The following CACNA1H variants were observed in gnomAD, a reference collection of about 807,000 sequenced individuals.
CACNA1H encodes voltage-dependent T-type calcium channel subunit alpha-1H.
A neutral mutation model predicts 192.5 loss-of-function variants in CACNA1H; 149 were observed. The observed-to-expected ratio is 0.77, with a 90% CI of 0.68 to 0.89. CACNA1H has a LOEUF of 0.89. Ranked by LOEUF, CACNA1H falls within the 40% of genes least tolerant of loss-of-function variation. The probability of loss-of-function intolerance (pLI) is 0.00; values close to 1 mark genes in which losing one functional copy is unlikely to be tolerated. For synonymous variants in CACNA1H, 2,202 were observed against 1,475.2 expected, an observed-to-expected ratio of 1.49 and a Z score of -11.29; for missense variants, 4,257 against 3,423.5, an observed-to-expected ratio of 1.24 and a Z score of -6.08.
rs551220448 is a variant in CACNA1H, at chr16:1,169,193, G to C, written c.299+15157G>C. Among the ~76,000 whole-genome samples, 1,036 of 151,636 alleles carry C rather than the reference G, an allele frequency of 6.8e-3. 5 individuals carry two copies. The highest frequency in any genetic ancestry group is 0.014 in the Middle Eastern group (4 of 290). On this transcript the variant is annotated intron_variant, in intron 2 of 34. Coordinates refer to ENST00000348261, the MANE Select transcript of CACNA1H (RefSeq NM_021098.3). ...GGGGGTGGGGGTGGGGGTGGGGCTT[G>C]CTGGGGGTCTTAGCCTGGAACGTGG...
chr16:1,174,945 C>T (rs1265095315), intron 2 of CACNA1H, among the ~76,000 whole-genome samples: 2 of 150,076 alleles, frequency 1.3e-5, no homozygotes, highest in Admixed American at 1.3e-4. Context: ...CGTCCACCCC[C>T]CCACCCCCCA....
At position 1,221,167 on chromosome 16, in the gene CACNA1H, C is replaced by A; in HGVS notation, c.*173C>A. On this transcript the variant is annotated 3_prime_UTR_variant, in exon 35 of 35. Transcript: ENST00000348261. Reference sequence around the variant, plus strand: ...TCTCTGCCCAGCGAAGCAGGAGTAGCTGCCGGGCCCCACGAGCCTCCGTCC... The same window carrying A: ...TCTCTGCCCAGCGAAGCAGGAGTAGATGCCGGGCCCCACGAGCCTCCGTCC... The A allele has an allele frequency of 1.8e-6, 1 of 556,458 alleles. No homozygotes were observed. Among genetic ancestry groups the A allele is most frequent in the South Asian group, 3.1e-5 (1 of 32,522 alleles). The allele number at this position is 556,458 out of a possible 1,614,324, so 34.5% of individuals were successfully genotyped here.
intron 2 of CACNA1H, among the ~76,000 whole-genome samples, chr16:1,179,029 C>T (rs950909769): frequency 2.6e-5 from 4 of 152,174 alleles, no homozygotes; most frequent in Admixed American, 6.5e-5. Flanking sequence ...GTCACAGAGA[C>T]CCTGTTGGGT....
At chr16:1,206,440 A>G in intron 12 of CACNA1H, 151 bp downstream of exon 12, 1 of 695,872 alleles carries the variant, frequency 1.4e-6, no homozygotes, top group Non-Finnish European at 2.4e-6. Context: ...CCTTCATTTG[A>G]GAAGCACTGA....
At position 1,202,433 on chromosome 16, in the gene CACNA1H, G is replaced by A. The variant is rs56875953; in HGVS notation, c.1983G>A (p.Pro661=). ...LNSPDPYEKI[P]HVVGEHGLGQ... is the part of the protein sequence containing the mutation. ...GCCCTGATCCCTACGAGAAGATCCC[G>A]CATGTGGTCGGGGAGCATGGTGAGG... Residue 661 remains proline, a synonymous_variant, in exon 9 of 35, where the codon CCG becomes CCA. Transcript: ENST00000348261. 93 of 1,503,902 alleles carry A rather than the reference G, an allele frequency of 6.2e-5. No individual in the cohort carries two copies. Among genetic ancestry groups the A allele is most frequent in the East Asian group, 9.9e-5 (4 of 40,330 alleles). 93.2% of individuals were successfully genotyped at this position (1,503,902 alleles called of 1,614,324 possible).
At chr16:1,210,210 T>A in intron 18 of CACNA1H, 75 bp downstream of exon 18, 2 of 1,320,110 alleles carry the variant, frequency 1.5e-6, no homozygotes, top group East Asian at 5.0e-5. Context: ...CCCTCCTGGG[T>A]GGGGCTAGCA....
intron 3 of CACNA1H, 126 bp downstream of exon 3, chr16:1,195,209 C>T: frequency 1.2e-6 from 1 of 806,506 alleles, no homozygotes; most frequent in Non-Finnish European, 1.9e-6. Context: ...GGTCGGGGAT[C>T]AGGGCGAGGT....
chr16:1,184,793 A>G (rs1425408305), intron 2 of CACNA1H, among the ~76,000 whole-genome samples: 2 of 152,252 alleles, frequency 1.3e-5, no homozygotes, highest in African/African-American at 4.8e-5. Context: ...GACTGCAGAC[A>G]GGTGCGGGGC....
Position 1,201,656 on chromosome 16 carries a change from G to A in CACNA1H, c.1213-7G>A, listed in dbSNP as rs372752869. ...CACTGCCACTTACCCGCCCGCCCCCGTCACAGGTGGGCTCCTTCTTCATGA... is the reference window on the plus strand; with the variant it reads ...CACTGCCACTTACCCGCCCGCCCCCATCACAGGTGGGCTCCTTCTTCATGA... On this transcript the variant is annotated splice_region_variant and splice_polypyrimidine_tract_variant and intron_variant, in intron 8 of 34. Coordinates refer to ENST00000348261, the MANE Select transcript of CACNA1H (RefSeq NM_021098.3). The A allele has an allele frequency of 6.8e-5, 108 of 1,580,848 alleles. No individual in the cohort carries two copies. The African/African-American group carries it at 8.3e-4, about 12-fold the overall frequency.
At position 1,220,487 on chromosome 16, in the gene CACNA1H, G is replaced by A. The variant is rs528748865; in HGVS notation, c.6555G>A (p.Lys2185=). ...AEPALGARRK[K]KMSPPCISVE... ...CCGCTCTGGGTGCGCGCAGAAAGAA[G>A]AAGATGAGCCCCCCCTGCATCTCGG... is the stretch of plus-strand genomic sequence containing the variant. The change falls in exon 35 of 35, where the codon AAG becomes AAA. Residue 2185 remains lysine, a synonymous_variant. Transcript: ENST00000348261. 56 of 1,545,770 alleles carry A rather than the reference G, an allele frequency of 3.6e-5. No homozygotes were observed. In the East Asian group the frequency reaches 1.2e-3, roughly 34 times the overall value.
chr16:1,155,362 C>G (rs962401299), intron 2 of CACNA1H, among the ~76,000 whole-genome samples: 1 of 152,210 alleles, frequency 6.6e-6, no homozygotes, highest in African/African-American at 2.4e-5. Flanking sequence ...GGTGCAGGCC[C>G]GGCCTTGAAG....
At position 1,217,003 on chromosome 16, in the gene CACNA1H, G is replaced by C; in HGVS notation, c.5316G>C (p.Gly1772=). 1 of 1,591,614 alleles carries C rather than the reference G, an allele frequency of 6.3e-7. No homozygotes were observed. The change falls in exon 31 of 35, where the codon GGG becomes GGC. Residue 1772 remains glycine (G), a synonymous_variant. Transcript: ENST00000348261. ...CTGCGCTGGGAGTGGAGCTGTTCGG[G>C]AGGCTGGGTGAGTGGCTCCTGCGCC... ...IYAALGVELF[G]RLECSEDNPC... is the part of the protein sequence containing the mutation.
At chr16:1,196,870 C>T (rs898027855) in intron 5 of CACNA1H, among the ~76,000 whole-genome samples, 1 of 152,126 alleles carries the variant, frequency 6.6e-6, no homozygotes, top group Admixed American at 6.5e-5. Context: ...GCTCTGGTTC[C>T]TGGGGGTCGG....
In CACNA1H at chr16:1,210,108, C is replaced by T. The variant is rs1969249888; in HGVS notation, c.3818C>T (p.Ala1273Val). The T allele has an allele frequency of 1.3e-6, 2 of 1,559,624 alleles. No homozygotes were observed. The highest frequency in any genetic ancestry group is 1.7e-6 in the Non-Finnish European group (2 of 1,152,500). ...TGGTGCCGGAGCCGCGAGGCCTGGG[C>T]CCTCTACCTCTTCTCCCCACAGAAC... Reference protein sequence around the residue: ...PQWCRSREAWALYLFSPQNRF... With the variant: ...PQWCRSREAWVLYLFSPQNRF... The change falls in exon 18 of 35, where the codon GCC (alanine) becomes GTC (valine). Residue 1273 changes from alanine (A) to valine (V), a missense_variant. Transcript: ENST00000348261.
At chr16:1,184,749 C>G (rs1965813035) in intron 2 of CACNA1H, among the ~76,000 whole-genome samples, 1 of 152,238 alleles carries the variant, frequency 6.6e-6, no homozygotes, top group Admixed American at 6.5e-5. Flanking sequence ...TGTGCCGGGT[C>G]TCAATTCCTG....
chr16:1,209,357 T>C lies in CACNA1H; in HGVS notation c.3689T>C (p.Leu1230Pro). The change falls in exon 17 of 35, where the codon CTG becomes CCG. Residue 1230 changes from leucine (L) to proline (P), a missense_variant. Transcript: ENST00000348261. The part of the protein sequence containing the change: ...QVVALPSDFF[L>P]RIDSHREDAA... ...GTGGCCCTGCCCAGCGACTTCTTCC[T>C]GCGCATCGACAGCCACCGTGAGGAT... The C allele has an allele frequency of 1.3e-6, 2 of 1,597,944 alleles. No homozygotes were observed. Among genetic ancestry groups the C allele is most frequent in the Non-Finnish European group, 8.5e-7 (1 of 1,179,538 alleles).
At chr16:1,183,872 C>T (rs935529279) in intron 2 of CACNA1H, among the ~76,000 whole-genome samples, 4 of 152,248 alleles carry the variant, frequency 2.6e-5, no homozygotes, top group East Asian at 1.9e-4. Flanking sequence ...TCCAGAATTT[C>T]GCCACTGCAG....
At chr16:1,164,574 G>A (rs533932398) in intron 2 of CACNA1H, among the ~76,000 whole-genome samples, 1 of 152,370 alleles carries the variant, frequency 6.6e-6, no homozygotes, top group East Asian at 1.9e-4. Context: ...TGCAGCGTGG[G>A]CACAGGGGCG....
rs199605478 is a variant in CACNA1H, at chr16:1,215,101, C to T, written c.5039+20C>T. On this transcript the variant is annotated intron_variant, in intron 28 of 34. Coordinates refer to ENST00000348261, the MANE Select transcript of CACNA1H (RefSeq NM_021098.3). ...GGACAGGTGTGTGTGGTGGGGCCGT[C>T]TTGGGTTCTGGGGGCCCCTCAGGGC... 5.6e-6 allele frequency: 9 copies of T among 1,602,170 alleles called. No homozygotes were observed. Among genetic ancestry groups the T allele is most frequent in the Non-Finnish European group, 6.0e-6 (7 of 1,173,658 alleles).
Sources: gnomAD v4.1 joint callset for allele counts (sites outside exome capture counted in the v4.1 genomes callset) on GRCh38, gnomAD v4.1.1 for gene constraint, MANE v1.5 for transcripts, NCBI Gene and HGNC (gene_info 2026-07-23, HGNC 2026-07-21) for gene names.